Variants in SLC35F4 observed in about 807,000 individuals in gnomAD.
SLC35F4 encodes the protein solute carrier family 35 member F4.
SLC35F4 carries 24 observed loss-of-function variants against 44.2 expected under a neutral mutation model. The observed-to-expected ratio is 0.54, with a 90% confidence interval of 0.39 to 0.76. The LOEUF (loss-of-function observed/expected upper bound fraction) is 0.76. Ranked by LOEUF, SLC35F4 falls within the 30% of genes least tolerant of loss-of-function variation. SLC35F4 has a pLI of 0.00. For missense variants in SLC35F4, 562 were observed against 586.1 expected (o/e 0.96, Z 0.42); for synonymous variants, 238 against 223.6 (o/e 1.06, Z -0.57).
chr14:57,751,102 T>A (rs2076874328), intron 1 of SLC35F4, among the ~76,000 whole-genome samples: 1 of 152,172 alleles, frequency 6.6e-6, no homozygotes, highest in South Asian at 2.1e-4. Flanking sequence ...TTTATGTAAA[T>A]TATTTCATTT....
At chr14:57,923,464 C>A (rs1889482487) in intron 1 of SLC35F4, among the ~76,000 whole-genome samples, 1 of 152,198 alleles carries the variant, frequency 6.6e-6, no homozygotes, top group Non-Finnish European at 1.5e-5. Flanking sequence ...GCAGGGCATT[C>A]AGGAATATCC....
chr14:57,575,005 G>A (rs373095063), intron 4 of SLC35F4, among the ~76,000 whole-genome samples: 11 of 152,068 alleles, frequency 7.2e-5, no homozygotes, highest in African/African-American at 2.7e-4. Flanking sequence ...GCTCATATGT[G>A]TTCATTCACA....
chr14:57,869,637 G>A (rs1418611574), upstream of SLC35F4, among the ~76,000 whole-genome samples: 1 of 152,164 alleles, frequency 6.6e-6, no homozygotes, highest in South Asian at 2.1e-4. Flanking sequence ...GGAAAGCCAA[G>A]AATCTTTAAG....
chr14:57,700,318 G>C (rs551613906), intron 1 of SLC35F4, among the ~76,000 whole-genome samples: 1 of 151,930 alleles, frequency 6.6e-6, no homozygotes, highest in African/African-American at 2.4e-5. Flanking sequence ...GACAGAAAAT[G>C]GTACACCTGT....
At chr14:57,636,870 C>A (rs1230642362) in intron 1 of SLC35F4, among the ~76,000 whole-genome samples, 2 of 152,022 alleles carry the variant, frequency 1.3e-5, no homozygotes, top group Non-Finnish European at 1.5e-5. Flanking sequence ...ACCACCTAGG[C>A]CAACAGAGCC....
upstream of SLC35F4, among the ~76,000 whole-genome samples, chr14:57,869,264 C>A (rs1299510837): frequency 6.6e-6 from 1 of 151,498 alleles, no homozygotes; most frequent in Non-Finnish European, 1.5e-5. Context: ...ACTTACAGTC[C>A]TTGTGTCTGA....
intron 1 of SLC35F4, among the ~76,000 whole-genome samples, chr14:57,632,205 T>TAGC (rs1158531509): frequency 6.6e-6 from 1 of 152,162 alleles, no homozygotes; most frequent in African/African-American, 2.4e-5. Flanking sequence ...TTTAAAACTG[T>TAGC]AGCAGTAGTT....
At chr14:57,694,757 C>T (rs1207736825) in intron 1 of SLC35F4, among the ~76,000 whole-genome samples, 1 of 152,128 alleles carries the variant, frequency 6.6e-6, no homozygotes, top group Non-Finnish European at 1.5e-5. Context: ...AGGTCTTATA[C>T]ATAATTTGTC....
chr14:57,705,541 G>C (rs990163520), intron 1 of SLC35F4, among the ~76,000 whole-genome samples: 1 of 152,120 alleles, frequency 6.6e-6, no homozygotes, highest in Non-Finnish European at 1.5e-5. Flanking sequence ...TAGACAAATG[G>C]AGGCACCAGC....
chr14:57,602,854 C>T (rs984632815), intron 1 of SLC35F4, among the ~76,000 whole-genome samples: 4 of 152,168 alleles, frequency 2.6e-5, no homozygotes, highest in African/African-American at 9.7e-5. Context: ...CCTTCAGACC[C>T]TGTATCTCCC....
chr14:57,597,156 G>A (rs1397793574), intron 1 of SLC35F4, among the ~76,000 whole-genome samples: 1 of 152,180 alleles, frequency 6.6e-6, no homozygotes, highest in Non-Finnish European at 1.5e-5. Flanking sequence ...ATGCAACAAT[G>A]AGTGCCTGAG....
intron 1 of SLC35F4, among the ~76,000 whole-genome samples, chr14:57,731,769 C>T (rs576233680): frequency 6.6e-6 from 1 of 152,144 alleles, no homozygotes; most frequent in Non-Finnish European, 1.5e-5. Context: ...AGAAAGAAGT[C>T]CAAGGAACAG....
At chr14:57,963,701 C>A (rs1414828693) in intron 1 of SLC35F4, among the ~76,000 whole-genome samples, 2 of 133,368 alleles carry the variant, frequency 1.5e-5, no homozygotes, top group Non-Finnish European at 3.1e-5. Flanking sequence ...CCAGAACATT[C>A]ATTCTAGCTC....
rs1029551078 is a variant in SLC35F4, at chr14:57,821,043, A to G, written c.103+44680T>C. On this transcript the variant is annotated intron_variant, in intron 1 of 7. Transcript: ENST00000556826. ...TTCTTTTTCATGTTTGCTTTATTTCATACTTGTAAGACAATTCACTCATGA... is the reference window on the plus strand; with the variant it reads ...TTCTTTTTCATGTTTGCTTTATTTCGTACTTGTAAGACAATTCACTCATGA... Among the ~76,000 whole-genome samples, 3 of 152,316 alleles carry G rather than the reference A, an allele frequency of 2.0e-5. No homozygotes were observed. The South Asian group carries it at 6.2e-4, about 32-fold the overall frequency.
At chr14:57,971,205 G>C (rs1301877563) in intron 1 of SLC35F4, among the ~76,000 whole-genome samples, 1 of 152,144 alleles carries the variant, frequency 6.6e-6, no homozygotes, top group Non-Finnish European at 1.5e-5. Flanking sequence ...AATGTACATA[G>C]GTTCTTCTAA....
At chr14:57,916,123 A>G (rs1889324641) in intron 1 of SLC35F4, among the ~76,000 whole-genome samples, 1 of 152,204 alleles carries the variant, frequency 6.6e-6, no homozygotes, top group African/African-American at 2.4e-5. Context: ...AGCAGCGGGC[A>G]AGGGTCGTCC....
chr14:57,629,230 G>C (rs2072640452), intron 1 of SLC35F4, among the ~76,000 whole-genome samples: 1 of 152,052 alleles, frequency 6.6e-6, no homozygotes, highest in Non-Finnish European at 1.5e-5. Context: ...AAAGCTACAA[G>C]GACTGGTTTA....
intron 1 of SLC35F4, among the ~76,000 whole-genome samples, chr14:57,978,334 C>A (rs10141631): frequency 6.6e-6 from 1 of 151,898 alleles, no homozygotes; most frequent in African/African-American, 2.4e-5. Context: ...GTAATAGAAT[C>A]GACACATACT....
chr14:57,702,728 T>C (rs565110611), intron 1 of SLC35F4, among the ~76,000 whole-genome samples: 6 of 152,308 alleles, frequency 3.9e-5, no homozygotes, highest in Non-Finnish European at 5.9e-5. Flanking sequence ...ACTTTCTCTT[T>C]CCAAAGTGCT....
Sources: gnomAD v4.1 joint callset for allele counts (sites outside exome capture counted in the v4.1 genomes callset) on GRCh38, gnomAD v4.1.1 for gene constraint, MANE v1.5 for transcripts, NCBI Gene and HGNC (gene_info 2026-07-23, HGNC 2026-07-21) for gene names.